FAM217A: variants seen among roughly 807,000 people sequenced by gnomAD.
The protein encoded by FAM217A is protein FAM217A.
In FAM217A, 13 loss-of-function variants were observed where a neutral mutation model predicts 18.5. That is an observed-to-expected ratio of 0.70 (90% CI 0.46 to 1.12). The LOEUF is 1.12. Ranked by LOEUF, FAM217A falls within the 50% of genes most tolerant of loss-of-function variation. The pLI is 0.00. For synonymous variants in FAM217A, 161 were observed against 202.8 expected (o/e 0.79, Z 1.75); for missense variants, 560 against 575.4 (o/e 0.97, Z 0.27).
At chr6:4,075,377 G>A (rs768043272) in intron 2 of FAM217A, among the ~76,000 whole-genome samples, 6 of 152,048 alleles carry the variant, frequency 3.9e-5, no homozygotes, top group Non-Finnish European at 7.4e-5. Context: ...ATAAAAGCCT[G>A]TAAAAATCTT....
At chr6:4,081,531 C>T (rs1170067394), upstream of FAM217A, among the ~76,000 whole-genome samples, 2 of 152,124 alleles carry the variant, frequency 1.3e-5, no homozygotes, top group African/African-American at 2.4e-5. Context: ...AGGCTGGTCT[C>T]GAACTCCTGA....
At chr6:4,081,901 T>C (rs1395555146), upstream of FAM217A, among the ~76,000 whole-genome samples, 3 of 152,252 alleles carry the variant, frequency 2.0e-5, no homozygotes, top group Non-Finnish European at 4.4e-5. Flanking sequence ...CTTTTTCTGT[T>C]ATTTCAGAAC....
upstream of FAM217A, chr6:4,079,548 G>T (rs781671665): frequency 1.7e-5 from 21 of 1,220,788 alleles, no homozygotes; most frequent in South Asian, 2.7e-4. Context: ...AGGCCTCCAG[G>T]CCCTTCCCTG....
intron 2 of FAM217A, among the ~76,000 whole-genome samples, chr6:4,084,226 A>G (rs1382366614): frequency 6.6e-6 from 1 of 152,238 alleles, no homozygotes; most frequent in African/African-American, 2.4e-5. Flanking sequence ...TCCCATAGCA[A>G]TGTCCTATTT....
At chr6:4,079,912 C>A (rs1264198849), upstream of FAM217A, among the ~76,000 whole-genome samples, 1 of 151,754 alleles carries the variant, frequency 6.6e-6, no homozygotes, top group Admixed American at 6.6e-5. Flanking sequence ...TTTTGTACCC[C>A]GAAATGCATA....
Position 4,070,355 on chromosome 6 carries a change from A to C in FAM217A, c.303-435T>G, listed in dbSNP as rs527303826. On this transcript the variant is annotated intron_variant, in intron 6 of 6. Transcript: ENST00000274673. The stretch of plus-strand genomic sequence containing the variant: ...GATAAAAGGAAACTCAAAAAATGTA[A>C]TTAGGTTACTTTAAAAAGCCTTCTA... Among the ~76,000 whole-genome samples, 6 of 152,352 alleles carry C rather than the reference A, an allele frequency of 3.9e-5. No individual in the cohort carries two copies. In the South Asian group the frequency reaches 1.2e-3, roughly 32 times the overall value.
intron 4 of FAM217A, 85 bp downstream of exon 4, chr6:4,074,358 T>A (rs936447540): frequency 8.4e-7 from 1 of 1,186,768 alleles, no homozygotes; most frequent in Non-Finnish European, 1.2e-6. Context: ...AGTTTAACTT[T>A]CAGGAAGAAA....
At chr6:4,077,555 A>C (rs1769912181) in intron 1 of FAM217A, 107 bp from the exon 2 acceptor site, 1 of 955,534 alleles carries the variant, frequency 1.0e-6, no homozygotes. Context: ...GAATGCTTAG[A>C]AAGCAGAAGA....
At chr6:4,070,224 GCTAA>G (rs1769311955) in intron 6 of FAM217A, among the ~76,000 whole-genome samples, 2 of 152,152 alleles carry the variant, frequency 1.3e-5, no homozygotes, top group African/African-American at 4.8e-5. Flanking sequence ...GTTAAAAGTG[GCTAA>G]CTATATGTTT....
At chr6:4,070,350 A>G (rs1307791897) in intron 6 of FAM217A, among the ~76,000 whole-genome samples, 1 of 152,242 alleles carries the variant, frequency 6.6e-6, no homozygotes, top group African/African-American at 2.4e-5. Context: ...AACTCAAAAA[A>G]TGTAATTAGG....
intron 1 of FAM217A, among the ~76,000 whole-genome samples, chr6:4,086,394 C>T (rs1169430376): frequency 7.2e-6 from 1 of 139,600 alleles, no homozygotes; most frequent in Non-Finnish European, 1.5e-5. Flanking sequence ...TGCAGTGAGC[C>T]GAGATCACGC....
chr6:4,070,995 C>CA lies in FAM217A; in HGVS notation c.303-1076dup, dbSNP rs796795265. On this transcript the variant is annotated intron_variant, in intron 6 of 6. Transcript: ENST00000274673. ...TGGGTGACAGAATGAGGCCCTGTTG[C>CA]AAAAAAAAAAAGAGAAAAAGAAAAA... Among the ~76,000 whole-genome samples, 548 of 126,544 alleles carry CA rather than the reference C, an allele frequency of 4.3e-3. 4 individuals are homozygous for CA. Among genetic ancestry groups the CA allele is most frequent in the African/African-American group, 0.011 (375 of 34,036 alleles). 83.0% of individuals were successfully genotyped at this position (126,544 alleles called of 152,430 possible). A position where few individuals can be genotyped will look rare whatever the true frequency, so the allele number is the denominator to read the frequency against.
rs1769196789 is a variant in FAM217A, at chr6:4,068,858, C to G, written c.1365G>C (p.Gln455His). 1 of 1,613,980 alleles carries G rather than the reference C, an allele frequency of 6.2e-7. No individual in the cohort carries two copies. The highest frequency in any genetic ancestry group is 1.1e-5 in the South Asian group (1 of 91,084). The change falls in exon 7 of 7, where the codon CAG becomes CAC. Residue 455 changes from glutamine (Q) to histidine (H), a missense_variant. Transcript: ENST00000274673. ...SPIPLTFPEN[Q>H]KEEIKAPKRN... The stretch of plus-strand genomic sequence containing the variant: ...TCTTCGGTGCCTTAATTTCTTCCTT[C>G]TGATTTTCGGGAAAAGTCAGAGGTA...
chr6:4,083,704 A>G (rs962359850), upstream of FAM217A, among the ~76,000 whole-genome samples: 3 of 152,010 alleles, frequency 2.0e-5, no homozygotes, highest in African/African-American at 7.2e-5. Flanking sequence ...GGCGCATGCC[A>G]CCACGCCTGG....
chr6:4,079,834 T>C (rs564709105), upstream of FAM217A, among the ~76,000 whole-genome samples: 15 of 152,182 alleles, frequency 9.9e-5, no homozygotes, highest in East Asian at 3.9e-4. Context: ...GGCCTTTCAA[T>C]AGGAAAAACA....
At chr6:4,079,445 G>A (rs80018662), upstream of FAM217A, 20,753 of 354,588 alleles carry the variant, frequency 0.059, 1,122 homozygotes, top group East Asian at 0.23. Flanking sequence ...GGGCCTTCTC[G>A]GGCCTTCTCG....
chr6:4,072,108 C>G (rs994483922), intron 6 of FAM217A, among the ~76,000 whole-genome samples: 1 of 152,058 alleles, frequency 6.6e-6, no homozygotes, highest in Non-Finnish European at 1.5e-5. Flanking sequence ...TTTGGGAGGA[C>G]GAGGTGGGTG....
intron 6 of FAM217A, among the ~76,000 whole-genome samples, chr6:4,071,556 A>C (rs910313013): frequency 2.6e-5 from 4 of 152,262 alleles, no homozygotes; most frequent in African/African-American, 4.8e-5. Context: ...GTGGACTCCT[A>C]TGCCCCAGGT....
chr6:4,085,226 A>T (rs1233699162), intron 1 of FAM217A, among the ~76,000 whole-genome samples: 1 of 151,978 alleles, frequency 6.6e-6, no homozygotes, highest in Non-Finnish European at 1.5e-5. Context: ...GGTCTTTCCC[A>T]TCCTAAACAG....
Sources: allele counts gnomAD v4.1 joint callset (sites outside exome capture counted in the v4.1 genomes callset), GRCh38; gene constraint gnomAD v4.1.1; transcripts MANE v1.5; gene names NCBI Gene and HGNC (gene_info 2026-07-23, HGNC 2026-07-21).